The following GPC5 variants were observed in gnomAD, a reference collection of about 807,000 sequenced individuals.
GPC5 encodes the protein glypican 5.
Under a neutral mutation model 53.9 loss-of-function variants are expected in GPC5, and 47 were observed. The ratio of observed to expected loss-of-function variants is 0.87; its 90% CI spans 0.69 to 1.11. The LOEUF (loss-of-function observed/expected upper bound fraction) is 1.11. Ranked by LOEUF, GPC5 falls within the 50% of genes most tolerant of loss-of-function variation. The probability of loss-of-function intolerance (pLI) is 0.00; values close to 1 mark genes in which losing one functional copy is unlikely to be tolerated. For synonymous variants in GPC5, 286 were observed against 263.3 expected, an observed-to-expected ratio of 1.09 and a Z score of -0.84; for missense variants, 748 against 713.1, an observed-to-expected ratio of 1.05 and a Z score of -0.56.
chr13:91,926,923 T>C (rs1221764507), intron 6 of GPC5, among the ~76,000 whole-genome samples: 1 of 152,216 alleles, frequency 6.6e-6, no homozygotes, highest in African/African-American at 2.4e-5. Flanking sequence ...ATGATTATAT[T>C]TTTTATGATC....
intron 7 of GPC5, among the ~76,000 whole-genome samples, chr13:92,561,604 A>G (rs1421413597): frequency 6.6e-6 from 1 of 152,184 alleles, no homozygotes; most frequent in African/African-American, 2.4e-5. Context: ...TCATAAATAG[A>G]GAAATTTCTA....
In GPC5 at chr13:92,347,922, T is replaced by TG. The variant is rs2043439531; in HGVS notation, c.1561+202933_1561+202934insG. ...ATATAATATATATATAATATATATA[T>TG]ATTATATATACATCTTATATGTAAA... On this transcript the variant is annotated intron_variant, in intron 7 of 7. Transcript: ENST00000377067. 2.4e-4 allele frequency among the ~76,000 whole-genome samples: 3 copies of TG among 12,344 alleles called. 1 individual carries two copies. The Admixed American group carries it at 4.0e-3, about 17-fold the overall frequency. 8.1% of individuals were successfully genotyped at this position (12,344 alleles called of 152,430 possible). A position where few individuals can be genotyped will look rare whatever the true frequency, so the allele number is the denominator to read the frequency against.
intron 7 of GPC5, among the ~76,000 whole-genome samples, chr13:92,335,803 C>T (rs548255912): frequency 1.3e-5 from 2 of 152,276 alleles, no homozygotes; most frequent in South Asian, 2.1e-4. Context: ...TCTGAGACGA[C>T]CTTAGCCTGG....
chr13:92,074,265 G>C (rs2041235710), intron 6 of GPC5, among the ~76,000 whole-genome samples: 1 of 152,196 alleles, frequency 6.6e-6, no homozygotes, highest in Non-Finnish European at 1.5e-5. Flanking sequence ...TAGAGGAAGA[G>C]AAGTGAAAGT....
At chr13:92,815,863 G>C (rs1877455349) in intron 7 of GPC5, among the ~76,000 whole-genome samples, 1 of 151,952 alleles carries the variant, frequency 6.6e-6, no homozygotes, top group African/African-American at 2.4e-5. Flanking sequence ...GCCATTTTCT[G>C]AAATGAGAAC....
At chr13:92,734,697 A>G (rs1212284592) in intron 7 of GPC5, among the ~76,000 whole-genome samples, 2 of 151,864 alleles carry the variant, frequency 1.3e-5, no homozygotes, top group African/African-American at 4.8e-5. Flanking sequence ...AAATTAGAAA[A>G]TGTAGTGTAC....
At chr13:91,958,938 C>A (rs1182147050) in intron 6 of GPC5, among the ~76,000 whole-genome samples, 6 of 151,778 alleles carry the variant, frequency 4.0e-5, no homozygotes, top group Non-Finnish European at 8.8e-5. Context: ...AGTAAGATTT[C>A]AAATAAATAA....
intron 7 of GPC5, among the ~76,000 whole-genome samples, chr13:92,432,147 C>G (rs1261997993): frequency 1.3e-5 from 2 of 152,076 alleles, no homozygotes; most frequent in African/African-American, 4.8e-5. Context: ...GCTTACTCTC[C>G]CATGTGAGGA....
intron 7 of GPC5, among the ~76,000 whole-genome samples, chr13:92,278,038 A>G (rs2042888224): frequency 6.6e-6 from 1 of 151,896 alleles, no homozygotes; most frequent in South Asian, 2.1e-4. Flanking sequence ...TTAGGCTATT[A>G]CTCTCTGGAG....
chr13:91,876,634 G>C (rs956436466), intron 5 of GPC5, among the ~76,000 whole-genome samples: 2 of 152,166 alleles, frequency 1.3e-5, no homozygotes, highest in Non-Finnish European at 2.9e-5. Flanking sequence ...TGCTGTCAAA[G>C]GCATTCAGTT....
At chr13:92,136,897 A>T (rs1231019137) in intron 6 of GPC5, among the ~76,000 whole-genome samples, 1 of 152,216 alleles carries the variant, frequency 6.6e-6, no homozygotes, top group Admixed American at 6.5e-5. Flanking sequence ...GAGTCATCAG[A>T]TATTCTACCC....
intron 7 of GPC5, among the ~76,000 whole-genome samples, chr13:92,740,521 G>A (rs1889054470): frequency 6.6e-6 from 1 of 151,998 alleles, no homozygotes; most frequent in African/African-American, 2.4e-5. Flanking sequence ...AGATGAACAT[G>A]AGCAGATATC....
At chr13:92,197,763 G>T (rs773045371) in intron 7 of GPC5, among the ~76,000 whole-genome samples, 4 of 150,722 alleles carry the variant, frequency 2.7e-5, no homozygotes, top group Non-Finnish European at 5.9e-5. Flanking sequence ...CGATCCACCT[G>T]CCTCAGCCTC....
chr13:92,434,780 T>A (rs1222191579), intron 7 of GPC5, among the ~76,000 whole-genome samples: 2 of 152,186 alleles, frequency 1.3e-5, no homozygotes, highest in Non-Finnish European at 2.9e-5. Context: ...AGGTCACATT[T>A]GGTTAATCAA....
At chr13:92,835,787 A>AT (rs1433292717) in intron 7 of GPC5, among the ~76,000 whole-genome samples, 5 of 152,030 alleles carry the variant, frequency 3.3e-5, no homozygotes, top group African/African-American at 1.2e-4. Context: ...TAAAGCTCAA[A>AT]TGCTCAACAT....
chr13:91,818,293 A>G (rs2038431687), intron 5 of GPC5, among the ~76,000 whole-genome samples: 1 of 152,232 alleles, frequency 6.6e-6, no homozygotes, highest in South Asian at 2.1e-4. Context: ...CTGCTAGGCT[A>G]TATCCACTTT....
chr13:91,915,243 A>G (rs890295517), intron 6 of GPC5, among the ~76,000 whole-genome samples: 9 of 152,208 alleles, frequency 5.9e-5, no homozygotes, highest in East Asian at 1.9e-4. Context: ...ATAACTTTCA[A>G]TGGTCATCTA....
intron 7 of GPC5, among the ~76,000 whole-genome samples, chr13:92,584,993 T>C (rs12864132): frequency 0.57 from 85,915 of 151,768 alleles, 27,510 homozygotes; most frequent in Non-Finnish European, 0.73. Context: ...CCTGGATGCC[T>C]AGGCAAAAGT....
At chr13:91,796,589 A>AT (rs1272369665) in intron 5 of GPC5, among the ~76,000 whole-genome samples, 1 of 152,112 alleles carries the variant, frequency 6.6e-6, no homozygotes, top group Non-Finnish European at 1.5e-5. Flanking sequence ...CCTGATTGGT[A>AT]TTTTAGTGAG....
Sources: allele counts gnomAD v4.1 joint callset (sites outside exome capture counted in the v4.1 genomes callset), GRCh38; gene constraint gnomAD v4.1.1; transcripts MANE v1.5; gene names NCBI Gene and HGNC (gene_info 2026-07-23, HGNC 2026-07-21).